FIGN: variants seen among roughly 807,000 people sequenced by gnomAD.
The protein encoded by FIGN is fidgetin.
FIGN carries 11 observed loss-of-function variants against 51.3 expected under a neutral mutation model. The observed-to-expected ratio is 0.21, with a 90% CI of 0.13 to 0.35. FIGN has a LOEUF of 0.35. FIGN is among the 10% of genes least tolerant of loss of function. The pLI, the probability that FIGN is intolerant of heterozygous loss-of-function variation, is 1.00. For synonymous variants in FIGN, 407 were observed against 363.2 expected (o/e 1.12, Z -1.37); for missense variants, 857 against 943.6 (o/e 0.91, Z 1.20).
intron 2 of FIGN, among the ~76,000 whole-genome samples, chr2:163,723,721 T>C (rs1270787642): frequency 6.6e-6 from 1 of 152,236 alleles, no homozygotes; most frequent in Non-Finnish European, 1.5e-5. Flanking sequence ...TTGAGGTTTC[T>C]AACTCCACTG....
rs71410077 is a variant in FIGN, at chr2:163,634,089, C to CATGT, written c.26-22284_26-22283insACAT. On this transcript the variant is annotated intron_variant, in intron 2 of 2. Transcript: ENST00000333129. ...CAATTCTTTTCTGTACGTATGTATG[C>CATGT]GTGTGTGTGTGTGTGTGTGTGTGTG... Among the ~76,000 whole-genome samples, 114 of 145,492 alleles carry CATGT rather than the reference C, an allele frequency of 7.8e-4. 1 individual carries two copies. The East Asian group carries it at 0.016, about 21-fold the overall frequency.
Position 163,637,328 on chromosome 2 carries a change from G to C in FIGN, c.26-25522C>G, listed in dbSNP as rs185658719. 3.4e-3 allele frequency among the ~76,000 whole-genome samples: 517 copies of C among 152,106 alleles called. 3 individuals are homozygous for C. Among genetic ancestry groups the C allele is most frequent in the African/African-American group, 0.012 (504 of 41,492 alleles). The stretch of plus-strand genomic sequence containing the variant: ...TCCTAAAGAGTTTATGTTCTTCTGG[G>C]GGTTTAAAAAAATCTTCCCACAAAT... On this transcript the variant is annotated intron_variant, in intron 2 of 2. Coordinates refer to ENST00000333129, the MANE Select transcript of FIGN (RefSeq NM_018086.4).
chr2:163,706,301 A>G (rs1385516366), intron 2 of FIGN, among the ~76,000 whole-genome samples: 1 of 152,184 alleles, frequency 6.6e-6, no homozygotes, highest in African/African-American at 2.4e-5. Context: ...AATTAACAGC[A>G]GTTACAAATT....
At chr2:163,671,195 C>G (rs769596317) in intron 2 of FIGN, among the ~76,000 whole-genome samples, 3 of 152,202 alleles carry the variant, frequency 2.0e-5, no homozygotes, top group Non-Finnish European at 4.4e-5. Context: ...CTGCCATCAT[C>G]CATTTGCTAC....
At chr2:163,690,760 A>G (rs963340921) in intron 2 of FIGN, among the ~76,000 whole-genome samples, 4 of 152,176 alleles carry the variant, frequency 2.6e-5, no homozygotes, top group African/African-American at 9.7e-5. Context: ...CACATTTTAA[A>G]GAGATGGAAA....
chr2:163,631,733 A>G (rs6731290), intron 2 of FIGN, among the ~76,000 whole-genome samples: 37,296 of 152,164 alleles, frequency 0.25, 4,932 homozygotes, highest in Admixed American at 0.28. Flanking sequence ...CCAGGAATCC[A>G]TATCATTAGA....
At position 163,718,063 on chromosome 2, in the gene FIGN, A is replaced by AG. The variant is rs1346672246; in HGVS notation, c.25+16839dup. The stretch of plus-strand genomic sequence containing the variant: ...GATCATGTTGGAAAGTACAGGGGGG[A>AG]GGGGGGAGAGTGTGTCAAGGATTCA... On this transcript the variant is annotated intron_variant, in intron 2 of 2. Transcript: ENST00000333129. Among the ~76,000 whole-genome samples the AG allele has an allele frequency of 2.0e-5, 3 of 149,910 alleles. No individual in the cohort carries two copies. The South Asian group carries it at 6.5e-4, about 33-fold the overall frequency.
chr2:163,693,623 A>G (rs1474393473), intron 2 of FIGN, among the ~76,000 whole-genome samples: 1 of 152,192 alleles, frequency 6.6e-6, no homozygotes, highest in African/African-American at 2.4e-5. Flanking sequence ...TAACATACAC[A>G]CACACACTTA....
At chr2:163,648,838 G>C (rs753252093) in intron 2 of FIGN, among the ~76,000 whole-genome samples, 5 of 152,034 alleles carry the variant, frequency 3.3e-5, no homozygotes, top group Admixed American at 1.3e-4. Context: ...CTTTTAGCTT[G>C]CAATTCTATT....
intron 2 of FIGN, among the ~76,000 whole-genome samples, chr2:163,699,581 A>G (rs1684376293): frequency 6.6e-6 from 1 of 152,140 alleles, no homozygotes. Flanking sequence ...AAAAATGATA[A>G]AAAATAATGA....
At chr2:163,672,312 T>A (rs182974282) in intron 2 of FIGN, among the ~76,000 whole-genome samples, 1 of 152,128 alleles carries the variant, frequency 6.6e-6, no homozygotes, top group East Asian at 1.9e-4. Flanking sequence ...ATTTCCTTGC[T>A]AAGATTTACT....
Position 163,655,820 on chromosome 2 carries a change from G to C in FIGN, c.26-44014C>G, listed in dbSNP as rs1423395644. 2.0e-5 allele frequency among the ~76,000 whole-genome samples: 3 copies of C among 151,740 alleles called. No homozygotes were observed. The East Asian group carries it at 5.8e-4, about 29-fold the overall frequency. On this transcript the variant is annotated intron_variant, in intron 2 of 2. Transcript: ENST00000333129. The stretch of plus-strand genomic sequence containing the variant: ...ACACACACACAGAGAGAGAGAGAGA[G>C]AGAGAGAGCTCTACATTTGCAAAGA...
At chr2:163,633,570 T>C (rs1238428453) in intron 2 of FIGN, among the ~76,000 whole-genome samples, 1 of 152,160 alleles carries the variant, frequency 6.6e-6, no homozygotes, top group Non-Finnish European at 1.5e-5. Context: ...CCAGGTTTCT[T>C]TCCAACTCAC....
At chr2:163,642,525 TGA>T (rs1487222527) in intron 2 of FIGN, among the ~76,000 whole-genome samples, 1 of 152,180 alleles carries the variant, frequency 6.6e-6, no homozygotes, top group Non-Finnish European at 1.5e-5. Flanking sequence ...GGAAAGTGGG[TGA>T]GTGCTTTATG....
chr2:163,692,422 A>G (rs1206263113), intron 2 of FIGN, among the ~76,000 whole-genome samples: 1 of 152,234 alleles, frequency 6.6e-6, no homozygotes, highest in Non-Finnish European at 1.5e-5. Flanking sequence ...AAGGAGCTAG[A>G]AACATTTCAT....
At chr2:163,722,152 G>A (rs1012451233) in intron 2 of FIGN, among the ~76,000 whole-genome samples, 1 of 152,234 alleles carries the variant, frequency 6.6e-6, no homozygotes, top group Admixed American at 6.5e-5. Flanking sequence ...TTACTGCCCA[G>A]TATTCAGTAC....
At chr2:163,713,614 T>C (rs1684622138) in intron 2 of FIGN, among the ~76,000 whole-genome samples, 2 of 152,192 alleles carry the variant, frequency 1.3e-5, no homozygotes, top group African/African-American at 4.8e-5. Flanking sequence ...TTAAATGATG[T>C]ACCATTTTCT....
At position 163,647,215 on chromosome 2, in the gene FIGN, T is replaced by C. The variant is rs181411315; in HGVS notation, c.26-35409A>G. On this transcript the variant is annotated intron_variant, in intron 2 of 2. Coordinates refer to ENST00000333129, the MANE Select transcript of FIGN (RefSeq NM_018086.4). ...GGTACATACAAACGTCAGAAAAGTATGCCCCAGTGGAATGTAATTGGCAAA... is the reference window on the plus strand; with the variant it reads ...GGTACATACAAACGTCAGAAAAGTACGCCCCAGTGGAATGTAATTGGCAAA... Among the ~76,000 whole-genome samples the C allele has an allele frequency of 2.0e-3, 299 of 152,322 alleles. 1 individual carries two copies. Among genetic ancestry groups the C allele is most frequent in the Non-Finnish European group, 3.0e-3 (206 of 68,028 alleles).
rs149620214 is a variant in FIGN, at chr2:163,657,551, T to G, written c.26-45745A>C. Among the ~76,000 whole-genome samples the G allele has an allele frequency of 5.7e-3, 864 of 151,848 alleles. 2 individuals carry two copies. Among genetic ancestry groups the G allele is most frequent in the Middle Eastern group, 0.01 (3 of 294 alleles). On this transcript the variant is annotated intron_variant, in intron 2 of 2. Coordinates refer to ENST00000333129, the MANE Select transcript of FIGN (RefSeq NM_018086.4). ...GTGTGTGCATGCACATGAGTATGTT[T>G]GGGTAGAGTTTTCCCCAAGTTGTCT... is the stretch of plus-strand genomic sequence containing the variant.
Sources: allele counts gnomAD v4.1 joint callset (sites outside exome capture counted in the v4.1 genomes callset), GRCh38; gene constraint gnomAD v4.1.1; transcripts MANE v1.5; gene names NCBI Gene and HGNC (gene_info 2026-07-23, HGNC 2026-07-21).